Variants in CALCR observed in about 807,000 individuals in gnomAD.
CALCR encodes calcitonin receptor.
Under a neutral mutation model 59.5 loss-of-function variants are expected in CALCR, and 47 were observed. The ratio of observed to expected loss-of-function variants is 0.79; its 90% CI spans 0.63 to 1.01. CALCR has a LOEUF of 1.01. Among genes scored for constraint, CALCR ranks in the 50% least tolerant of loss-of-function variants. CALCR has a pLI of 0.00. For synonymous variants in CALCR, 213 were observed against 211.3 expected, an observed-to-expected ratio of 1.01 and a Z score of -0.07; for missense variants, 566 against 597.1, an observed-to-expected ratio of 0.95 and a Z score of 0.54.
At chr7:93,482,486 G>A (rs1800820260) in intron 3 of CALCR, among the ~76,000 whole-genome samples, 1 of 151,658 alleles carries the variant, frequency 6.6e-6, no homozygotes, top group Non-Finnish European at 1.5e-5. Flanking sequence ...GCTAAACACT[G>A]GGAAGTATTT....
chr7:93,447,927 A>G (rs1374310487), intron 8 of CALCR, among the ~76,000 whole-genome samples: 2 of 151,990 alleles, frequency 1.3e-5, no homozygotes, highest in African/African-American at 4.8e-5. Flanking sequence ...GAGAATGCAG[A>G]TTTGGAATGT....
At chr7:93,473,586 C>G (rs915155500) in intron 5 of CALCR, among the ~76,000 whole-genome samples, 1 of 144,800 alleles carries the variant, frequency 6.9e-6, no homozygotes, top group Admixed American at 6.9e-5. Context: ...TTTGGCCCCC[C>G]CCCCTTTTTT....
rs11422998 is a variant in CALCR, at chr7:93,435,828, A to AT, written c.1149+123_1149+124insA. On this transcript the variant is annotated intron_variant, in intron 12 of 13. Transcript: ENST00000426151. ...GTCAAAAAAAATAAAATAAAATAAT[A>AT]AATAAATAAATAAATAAATAAACAA... The AT allele has an allele frequency of 0.58, 137,118 of 238,174 alleles. 40,899 individuals carry two copies. The highest frequency in any genetic ancestry group is 0.87 in the East Asian group (10,101 of 11,636). 14.8% of individuals were successfully genotyped at this position (238,174 alleles called of 1,614,324 possible).
At chr7:93,430,511 A>G (rs576380075) in intron 13 of CALCR, among the ~76,000 whole-genome samples, 10 of 152,280 alleles carry the variant, frequency 6.6e-5, no homozygotes, top group Non-Finnish European at 1.5e-4. Flanking sequence ...CCTTGCTCTA[A>G]AGGGTAACAA....
intron 8 of CALCR, among the ~76,000 whole-genome samples, chr7:93,460,570 A>C (rs367601796): frequency 1.4e-5 from 1 of 73,208 alleles, no homozygotes; most frequent in African/African-American, 7.6e-5. Context: ...AAAAAAAAAA[A>C]AAATATATAT....
chr7:93,565,157 C>G (rs1789836008), intron 2 of CALCR, among the ~76,000 whole-genome samples: 1 of 152,194 alleles, frequency 6.6e-6, no homozygotes, highest in Non-Finnish European at 1.5e-5. Context: ...TTAGGGAGAG[C>G]ACTAGATGTG....
At chr7:93,433,869 AAAG>A (rs1442483941) in intron 13 of CALCR, among the ~76,000 whole-genome samples, 4 of 152,224 alleles carry the variant, frequency 2.6e-5, no homozygotes, top group African/African-American at 9.6e-5. Flanking sequence ...AGCAACTGGA[AAAG>A]AAGGTGAGGA....
chr7:93,434,380 A>T, intron 12 of CALCR, 86 bp from the exon 13 acceptor site: 2 of 763,626 alleles, frequency 2.6e-6, no homozygotes, highest in Non-Finnish European at 4.3e-6. Context: ...TGCCCAGAGA[A>T]GGCCTGATGA....
intron 9 of CALCR, among the ~76,000 whole-genome samples, chr7:93,441,035 GT>G (rs1387154978): frequency 2.0e-5 from 3 of 151,924 alleles, no homozygotes; most frequent in Non-Finnish European, 4.4e-5. Flanking sequence ...TTGTTTATGT[GT>G]TTTAAGCAGA....
intron 2 of CALCR, among the ~76,000 whole-genome samples, chr7:93,529,645 T>C (rs1180603484): frequency 6.6e-6 from 1 of 152,182 alleles, no homozygotes; most frequent in Admixed American, 6.6e-5. Flanking sequence ...TTTCTTCTAA[T>C]TTCATATTTG....
chr7:93,570,057 C>A (rs1789966703), intron 2 of CALCR, among the ~76,000 whole-genome samples: 1 of 151,882 alleles, frequency 6.6e-6, no homozygotes, highest in African/African-American at 2.4e-5. Context: ...AATCAGGAGT[C>A]AATTTTTCTG....
At chr7:93,461,410 T>C (rs1433001589) in intron 7 of CALCR, among the ~76,000 whole-genome samples, 1 of 152,180 alleles carries the variant, frequency 6.6e-6, no homozygotes, top group Non-Finnish European at 1.5e-5. Context: ...ATCTATGTCC[T>C]TGAGCCATTG....
chr7:93,547,088 G>A (rs2116211597), intron 2 of CALCR, among the ~76,000 whole-genome samples: 1 of 152,214 alleles, frequency 6.6e-6, no homozygotes, highest in East Asian at 1.9e-4. Flanking sequence ...ATGCCAAAAA[G>A]CAAGGAAAAA....
At chr7:93,485,922 T>C (rs922364533) in intron 3 of CALCR, among the ~76,000 whole-genome samples, 6 of 151,656 alleles carry the variant, frequency 4.0e-5, no homozygotes, top group Non-Finnish European at 8.9e-5. Flanking sequence ...ATGTACAATA[T>C]TACAAAATAA....
At chr7:93,506,540 T>C (rs1438400829) in intron 2 of CALCR, among the ~76,000 whole-genome samples, 1 of 152,116 alleles carries the variant, frequency 6.6e-6, no homozygotes, top group African/African-American at 2.4e-5. Flanking sequence ...AATTACTAAA[T>C]GGCCCTGTAG....
At chr7:93,473,684 G>A (rs1800606272) in intron 5 of CALCR, among the ~76,000 whole-genome samples, 1 of 150,940 alleles carries the variant, frequency 6.6e-6, no homozygotes. Flanking sequence ...TGATTCTGGG[G>A]CTGCCCACTG....
intron 4 of CALCR, among the ~76,000 whole-genome samples, chr7:93,479,095 G>T (rs1030696813): frequency 6.6e-6 from 1 of 151,668 alleles, no homozygotes; most frequent in Non-Finnish European, 1.5e-5. Flanking sequence ...TTACTGTTCC[G>T]GCTCACCAGG....
rs754776703 is a variant in CALCR, at chr7:93,436,115, T to C, written c.986A>G (p.Glu329Gly). Reference sequence around the variant, plus strand: ...CATGTGGGATTCCGCCTCATGGGTTTCCCTCATTTTGGTCACAAGCACCCG... The same window carrying C: ...CATGTGGGATTCCGCCTCATGGGTTCCCCTCATTTTGGTCACAAGCACCCG... Reference protein sequence around the residue: ...IVRVLVTKMRETHEAESHMYL... With the variant: ...IVRVLVTKMRGTHEAESHMYL... The change falls in exon 12 of 14, where the codon GAA (glutamate) becomes GGA (glycine). Residue 329 changes from glutamate to glycine, a missense_variant. Glu to Gly is a moderately conservative substitution (Grantham distance 98, BLOSUM62 -2). Transcript: ENST00000426151. 1 of 1,614,180 alleles carries C rather than the reference T, an allele frequency of 6.2e-7. No homozygotes were observed.
chr7:93,571,112 A>T (rs1448809735), intron 2 of CALCR, among the ~76,000 whole-genome samples: 1 of 152,220 alleles, frequency 6.6e-6, no homozygotes, highest in African/African-American at 2.4e-5. Flanking sequence ...AAAACAAGTT[A>T]GTATCATTAT....
Sources: gnomAD v4.1 joint callset for allele counts (sites outside exome capture counted in the v4.1 genomes callset) on GRCh38, gnomAD v4.1.1 for gene constraint, MANE v1.5 for transcripts, NCBI Gene and HGNC (gene_info 2026-07-23, HGNC 2026-07-21) for gene names.